Variants in CTDSPL2 observed in about 807,000 individuals in gnomAD.
The protein encoded by CTDSPL2 is CTD small phosphatase like 2.
In CTDSPL2, 5 loss-of-function variants were observed where a neutral mutation model predicts 60.0. That is an observed-to-expected ratio of 0.08 (90% CI 0.04 to 0.18). The LOEUF is 0.18. Among genes scored for constraint, CTDSPL2 ranks in the 10% least tolerant of loss-of-function variants. The pLI is 1.00. For missense variants in CTDSPL2, 370 were observed against 548.8 expected (o/e 0.67, Z 3.26); for synonymous variants, 186 against 189.3 (o/e 0.98, Z 0.14).
At chr15:44,437,827 T>C (rs1457369225) in intron 1 of CTDSPL2, among the ~76,000 whole-genome samples, 1 of 152,218 alleles carries the variant, frequency 6.6e-6, no homozygotes, top group Non-Finnish European at 1.5e-5. Context: ...GGTTTGAGGC[T>C]ATAGAGGTGG....
At chr15:44,490,411 A>G (rs2081194636) in intron 4 of CTDSPL2, among the ~76,000 whole-genome samples, 1 of 152,176 alleles carries the variant, frequency 6.6e-6, no homozygotes, top group African/African-American at 2.4e-5. Flanking sequence ...GATTACAGGC[A>G]TGAGTCACCA....
rs1210295664 is a variant in CTDSPL2 at position 44,476,504 on chromosome 15, A to AAT, written c.187-7710_187-7709dup. On this transcript the variant is annotated intron_variant, in intron 2 of 12. Transcript: ENST00000260327. ...AGTACTCTTGCTGTGTTTTCACATA[A>AAT]ATATATATATACAGTCAGGTGCCAG... is the stretch of plus-strand genomic sequence containing the variant. Among the ~76,000 whole-genome samples, 4 of 152,110 alleles carry AAT rather than the reference A, an allele frequency of 2.6e-5. No individual in the cohort carries two copies. In the East Asian group the frequency reaches 5.8e-4, roughly 22 times the overall value.
At chr15:44,521,951 A>AC (rs1214569129) in intron 12 of CTDSPL2, among the ~76,000 whole-genome samples, 3 of 149,804 alleles carry the variant, frequency 2.0e-5, no homozygotes, top group Non-Finnish European at 3.0e-5. Context: ...AAAAAAAAAA[A>AC]AAAAAAAAAA....
At chr15:44,438,168 G>A (rs2080013920) in intron 1 of CTDSPL2, among the ~76,000 whole-genome samples, 1 of 152,144 alleles carries the variant, frequency 6.6e-6, no homozygotes, top group Admixed American at 6.6e-5. Context: ...GAAGGCTGGG[G>A]CAGGAGAATG....
At chr15:44,510,776 C>G (rs2081552333) in intron 8 of CTDSPL2, among the ~76,000 whole-genome samples, 1 of 152,166 alleles carries the variant, frequency 6.6e-6, no homozygotes, top group African/African-American at 2.4e-5. Flanking sequence ...GGAGGCATGT[C>G]TATGTGTGCA....
At chr15:44,491,404 A>T (rs929129831) in intron 5 of CTDSPL2, among the ~76,000 whole-genome samples, 1 of 152,164 alleles carries the variant, frequency 6.6e-6, no homozygotes, top group African/African-American at 2.4e-5. Flanking sequence ...CATCCCCCCA[A>T]AAACTGCTTC....
chr15:44,469,978 G>T (rs1478441005), intron 2 of CTDSPL2, among the ~76,000 whole-genome samples: 2 of 151,628 alleles, frequency 1.3e-5, no homozygotes, highest in Non-Finnish European at 2.9e-5. Flanking sequence ...GGCACCTGTG[G>T]TCCCAGCTAC....
At chr15:44,481,791 C>T (rs1028572704) in intron 2 of CTDSPL2, among the ~76,000 whole-genome samples, 3 of 152,022 alleles carry the variant, frequency 2.0e-5, no homozygotes, top group African/African-American at 7.2e-5. Flanking sequence ...CAGGCTGGTC[C>T]CGAACTCCCA....
intron 2 of CTDSPL2, among the ~76,000 whole-genome samples, chr15:44,462,931 C>G (rs2080604826): frequency 6.6e-6 from 1 of 152,032 alleles, no homozygotes; most frequent in Admixed American, 6.6e-5. Flanking sequence ...TCTTGAACTC[C>G]TGGCCTCAAG....
chr15:44,510,890 CT>C (rs2081554484), intron 8 of CTDSPL2, among the ~76,000 whole-genome samples: 1 of 152,148 alleles, frequency 6.6e-6, no homozygotes, highest in Non-Finnish European at 1.5e-5. Flanking sequence ...TTTATTTGTT[CT>C]TACCAGACAG....
intron 2 of CTDSPL2, chr15:44,470,564 C>T (rs2080785893): frequency 6.6e-6 from 1 of 152,042 alleles, no homozygotes; most frequent in Non-Finnish European, 1.5e-5. Context: ...TCTCCTACCT[C>T]AGCCTCCCGA....
At position 44,484,379 on chromosome 15, in the gene CTDSPL2, A is replaced by T. The variant is rs2140784829; in HGVS notation, c.325+17A>T. On this transcript the variant is annotated intron_variant, in intron 3 of 12. Transcript: ENST00000260327. ...TAAATGGAGGTTTGTTAATATTTAG[A>T]TACTGTTTTATTTAGGTGTAAGCAG... 1 of 1,605,382 alleles carries T rather than the reference A, an allele frequency of 6.2e-7. No homozygotes were observed. The highest frequency in any genetic ancestry group is 8.5e-7 in the Non-Finnish European group (1 of 1,173,202).
At chr15:44,468,638 A>G (rs543289507) in intron 2 of CTDSPL2, among the ~76,000 whole-genome samples, 4 of 152,306 alleles carry the variant, frequency 2.6e-5, no homozygotes, top group Admixed American at 1.3e-4. Context: ...CTTTGTGGAC[A>G]ATATTGTCTC....
intron 8 of CTDSPL2, among the ~76,000 whole-genome samples, chr15:44,507,919 A>G (rs898148278): frequency 1.3e-5 from 2 of 152,188 alleles, no homozygotes; most frequent in Non-Finnish European, 2.9e-5. Flanking sequence ...AATCTTCACA[A>G]CCACCTTATG....
Position 44,469,129 on chromosome 15 carries a change from G to A in CTDSPL2, c.186+9929G>A, listed in dbSNP as rs192331855. 4.5e-3 allele frequency among the ~76,000 whole-genome samples: 680 copies of A among 152,198 alleles called. 3 individuals are homozygous for A. The highest frequency in any genetic ancestry group is 0.016 in the African/African-American group (647 of 41,526). On this transcript the variant is annotated intron_variant, in intron 2 of 12. Coordinates refer to ENST00000260327, the MANE Select transcript of CTDSPL2 (RefSeq NM_016396.3). ...ATTTATAATTCAAGGTTTATCATAG[G>A]TGTATATATATGGAGGAAAAAACAG...
intron 12 of CTDSPL2, 93 bp downstream of exon 12, chr15:44,521,499 CTTAT>C: frequency 1.5e-6 from 1 of 668,490 alleles, no homozygotes; most frequent in Non-Finnish European, 2.4e-6. Flanking sequence ...TGTGTACTGA[CTTAT>C]AAAGTCAACT....
chr15:44,461,849 G>T (rs994928075), intron 2 of CTDSPL2, among the ~76,000 whole-genome samples: 1 of 152,226 alleles, frequency 6.6e-6, no homozygotes, highest in Non-Finnish European at 1.5e-5. Context: ...GGCTGAGGAA[G>T]AGGAGGGGTT....
At chr15:44,481,346 C>G (rs2081023152) in intron 2 of CTDSPL2, among the ~76,000 whole-genome samples, 1 of 152,124 alleles carries the variant, frequency 6.6e-6, no homozygotes, top group South Asian at 2.1e-4. Context: ...ATAGTCTGTT[C>G]TGCAACAATA....
At chr15:44,489,901 C>T (rs2081187858) in intron 4 of CTDSPL2, among the ~76,000 whole-genome samples, 1 of 151,948 alleles carries the variant, frequency 6.6e-6, no homozygotes, top group African/African-American at 2.4e-5. Context: ...TGGATAGTAG[C>T]AATGGAGATA....
Sources: allele counts gnomAD v4.1 joint callset (sites outside exome capture counted in the v4.1 genomes callset), GRCh38; gene constraint gnomAD v4.1.1; transcripts MANE v1.5; gene names NCBI Gene and HGNC (gene_info 2026-07-23, HGNC 2026-07-21).